KIAA0586: variants seen among roughly 807,000 people sequenced by gnomAD.
KIAA0586 encodes protein TALPID3.
Under a neutral mutation model 169.8 loss-of-function variants are expected in KIAA0586, and 144 were observed. The ratio of observed to expected loss-of-function variants is 0.85; its 90% CI spans 0.74 to 0.97. KIAA0586 has a LOEUF of 0.97. Among genes scored for constraint, KIAA0586 ranks in the 50% least tolerant of loss-of-function variants. The pLI is 0.00. For synonymous variants in KIAA0586, 625 were observed against 612.4 expected (o/e 1.02, Z -0.30); for missense variants, 1,854 against 1,823.0 (o/e 1.02, Z -0.31).
At position 58,549,651 on chromosome 14, in the gene KIAA0586, A is replaced by G. The variant is rs2047155116; in HGVS notation, c.*1719A>G. ...TAACAGTTTCCTTTAAACAAGTGGA[A>G]GAAAAATTCTGCTCTGTGGATTTTA... On this transcript the variant is annotated 3_prime_UTR_variant, in exon 31 of 31. Transcript: ENST00000652326. The G allele has an allele frequency of 6.6e-6, 1 of 152,236 alleles. No individual in the cohort carries two copies. The highest frequency in any genetic ancestry group is 2.4e-5 in the African/African-American group (1 of 41,454). 9.4% of individuals were successfully genotyped at this position (152,236 alleles called of 1,614,324 possible).
intron 30 of KIAA0586, among the ~76,000 whole-genome samples, chr14:58,542,839 C>T (rs888802920): frequency 6.6e-6 from 1 of 152,092 alleles, no homozygotes; most frequent in South Asian, 2.1e-4. Context: ...TGGCTGAATC[C>T]TCATAAAAAC....
In KIAA0586 at chr14:58,548,487, G is replaced by A. The variant is rs1006442259; in HGVS notation, c.*555G>A. 2.6e-5 allele frequency: 4 copies of A among 152,172 alleles called. No individual in the cohort carries two copies. Among genetic ancestry groups the A allele is most frequent in the African/African-American group, 7.2e-5 (3 of 41,438 alleles). The allele number at this position is 152,172 out of a possible 1,614,324, so 9.4% of individuals were successfully genotyped here. On this transcript the variant is annotated 3_prime_UTR_variant, in exon 31 of 31. Transcript: ENST00000652326. Reference sequence around the variant, plus strand: ...TGCAGTTGTTGAAATTATTTAAAATGGGGTGGGGAGGAATTCAAATGTATG... The same window carrying A: ...TGCAGTTGTTGAAATTATTTAAAATAGGGTGGGGAGGAATTCAAATGTATG...
In KIAA0586 at chr14:58,488,756, T is replaced by G. The variant is rs201202020; in HGVS notation, c.3663T>G (p.Ser1221=). 1.1e-3 allele frequency: 1,745 copies of G among 1,613,946 alleles called. No individual in the cohort carries two copies. Among genetic ancestry groups the G allele is most frequent in the Non-Finnish European group, 1.3e-3 (1,552 of 1,179,858 alleles). ...KAPSPSQMPG[S]DSSTLESTLS... is the part of the protein sequence containing the mutation. ...CTTCCCCCTCACAGATGCCAGGTTC[T>G]GATTCATCAACACTGGAGAGCACAT... The change falls in exon 24 of 31, where the codon TCT becomes TCG. Residue 1221 remains serine, a synonymous_variant. Coordinates refer to ENST00000652326, the MANE Select transcript of KIAA0586 (RefSeq NM_001329943.3).
At position 58,428,408 on chromosome 14, in the gene KIAA0586, T is replaced by G. The variant is rs764105402; in HGVS notation, c.144T>G (p.Ser48=). The change falls in exon 1 of 31, where the codon TCT becomes TCG. Residue 48 remains serine (S), a synonymous_variant. Transcript: ENST00000652326. Reference sequence around the variant, plus strand: ...TGCCCTGTGTTCCTCCGGCATTGTCTGCAAATAAACGTCTTCCTGTTGGAA... The same window carrying G: ...TGCCCTGTGTTCCTCCGGCATTGTCGGCAAATAAACGTCTTCCTGTTGGAA... ...DELPCVPPAL[S]ANKRLPVGTG... 1 of 1,614,034 alleles carries G rather than the reference T, an allele frequency of 6.2e-7. No homozygotes were observed. The highest frequency in any genetic ancestry group is 8.5e-7 in the Non-Finnish European group (1 of 1,179,898).
Position 58,487,902 on chromosome 14 carries a change from C to T in KIAA0586, c.3320C>T (p.Ala1107Val). 6.2e-7 allele frequency: 1 copy of T among 1,612,746 alleles called. No individual in the cohort carries two copies. The highest frequency in any genetic ancestry group is 1.1e-5 in the South Asian group (1 of 90,932). Residue 1107 changes from alanine (A) to valine (V), a missense_variant, in exon 23 of 31, where the codon GCC becomes GTC. Coordinates refer to ENST00000652326, the MANE Select transcript of KIAA0586 (RefSeq NM_001329943.3). ...AAACCTTTAGGAGATGATATGCCTG[C>T]CATCATGCTTGTTAATACTCCAACA... is the stretch of plus-strand genomic sequence containing the variant. The part of the protein sequence containing the change: ...ICAEKGDDMP[A>V]IMLVNTPTVT...
rs139531145 is a variant in KIAA0586 at position 58,491,786 on chromosome 14, C to G, written c.3859-358C>G. ...CCCCCATTGCCACACTGTGGCATTACTTTACTGCAGAAATATGAGGAGGAG... is the reference window on the plus strand; with the variant it reads ...CCCCCATTGCCACACTGTGGCATTAGTTTACTGCAGAAATATGAGGAGGAG... On this transcript the variant is annotated intron_variant, in intron 25 of 30. Transcript: ENST00000652326. 1.4e-4 allele frequency among the ~76,000 whole-genome samples: 22 copies of G among 152,358 alleles called. No individual in the cohort carries two copies. The East Asian group carries it at 4.2e-3, about 29-fold the overall frequency.
At chr14:58,501,822 C>T (rs181544257) in intron 27 of KIAA0586, among the ~76,000 whole-genome samples, 1 of 152,114 alleles carries the variant, frequency 6.6e-6, no homozygotes, top group Non-Finnish European at 1.5e-5. Context: ...TACGAAATTA[C>T]CCCACATTTA....
chr14:58,514,002 A>G (rs1210535965), intron 29 of KIAA0586, among the ~76,000 whole-genome samples: 2 of 152,056 alleles, frequency 1.3e-5, no homozygotes, highest in South Asian at 2.1e-4. Flanking sequence ...TACATCTAAT[A>G]CAAAAGGTAG....
At chr14:58,534,318 T>G (rs1411234468) in intron 29 of KIAA0586, among the ~76,000 whole-genome samples, 1 of 152,216 alleles carries the variant, frequency 6.6e-6, no homozygotes, top group Admixed American at 6.5e-5. Flanking sequence ...TGGTATAATA[T>G]AGGTGTATTA....
intron 4 of KIAA0586, 53 bp from the exon 5 acceptor site, chr14:58,442,653 A>C: frequency 7.8e-7 from 1 of 1,279,418 alleles, no homozygotes; most frequent in East Asian, 2.6e-5. Context: ...GTATTTCTTG[A>C]AATGTTTCAA....
chr14:58,462,414 A>AT (rs375522188), intron 14 of KIAA0586, among the ~76,000 whole-genome samples: 7,065 of 149,224 alleles, frequency 0.047, 517 homozygotes, highest in African/African-American at 0.16. Flanking sequence ...TGCCCAGCTA[A>AT]TTTTTTTTTT....
rs1238299885 is a variant in KIAA0586 at position 58,548,694 on chromosome 14, A to C, written c.*762A>C. 4 of 152,322 alleles carry C rather than the reference A, an allele frequency of 2.6e-5. No individual in the cohort carries two copies. Among genetic ancestry groups the C allele is most frequent in the African/African-American group, 7.2e-5 (3 of 41,574 alleles). The allele number at this position is 152,322 out of a possible 1,614,324, so 9.4% of individuals were successfully genotyped here. On this transcript the variant is annotated 3_prime_UTR_variant, in exon 31 of 31. Coordinates refer to ENST00000652326, the MANE Select transcript of KIAA0586 (RefSeq NM_001329943.3). ...TCAGTTGTGATAGAAAAAAATCATC[A>C]GTGAGATTAATTTTTATATGCCTTA...
At chr14:58,432,280 C>G (rs1293088257) in intron 3 of KIAA0586, 108 bp from the exon 4 acceptor site, 1 of 652,010 alleles carries the variant, frequency 1.5e-6, no homozygotes, top group East Asian at 3.0e-5. Flanking sequence ...AATGCTATGG[C>G]TGAGTTCCTA....
intron 29 of KIAA0586, among the ~76,000 whole-genome samples, chr14:58,538,105 A>G (rs1023732136): frequency 1.3e-5 from 2 of 152,254 alleles, no homozygotes; most frequent in Non-Finnish European, 2.9e-5. Context: ...GCAGTGAGCT[A>G]TGATTGTACC....
intron 21 of KIAA0586, among the ~76,000 whole-genome samples, chr14:58,484,898 A>ATATTTATATATATATTTT (rs1555391495): frequency 0.017 from 85 of 4,886 alleles, 1 homozygote; most frequent in Admixed American, 0.034. Flanking sequence ...ATTTATATAT[A>ATATTTATATATATATTTT]TATATATATA....
At position 58,547,895 on chromosome 14, in the gene KIAA0586, A is replaced by G; in HGVS notation, c.4610A>G (p.Gln1537Arg). The G allele has an allele frequency of 6.2e-7, 1 of 1,613,796 alleles. No individual in the cohort carries two copies. Among genetic ancestry groups the G allele is most frequent in the Non-Finnish European group, 8.5e-7 (1 of 1,179,752 alleles). ...CAGTCTCTGAGTCTCAGCACAATGC[A>G]GGAGGACATGGAGTCTTCGGGGGCA... Reference protein sequence around the residue: ...CSQSLSLSTMQEDMESSGADT... With the variant: ...CSQSLSLSTMREDMESSGADT... The change falls in exon 31 of 31, where the codon CAG becomes CGG. Residue 1537 changes from glutamine (Q) to arginine (R), a missense_variant. Gln to Arg is a conservative substitution (Grantham distance 43, BLOSUM62 1). Transcript: ENST00000652326.
rs1490519740 is a variant in KIAA0586 at position 58,427,770 on chromosome 14, T to TAC, written c.-494_-493dup. The TAC allele has an allele frequency of 1.3e-6, 2 of 1,526,272 alleles. No individual in the cohort carries two copies. The highest frequency in any genetic ancestry group is 8.8e-7 in the Non-Finnish European group (1 of 1,142,582). The allele number at this position is 1,526,272 out of a possible 1,614,324, so 94.5% of individuals were successfully genotyped here. ...GTGCGGGTCTCGGGCGTTCTGGAGA[T>TAC]ACGTAGGGGTGAATTTATGTTTCCG... On this transcript the variant is annotated 5_prime_UTR_variant, in exon 1 of 31. Transcript: ENST00000652326.
At chr14:58,530,420 C>T (rs1205353451) in intron 29 of KIAA0586, among the ~76,000 whole-genome samples, 1 of 152,232 alleles carries the variant, frequency 6.6e-6, no homozygotes, top group Admixed American at 6.5e-5. Context: ...CTGGAGGCAT[C>T]ACGCTACCTG....
chr14:58,427,515 C>G, upstream of KIAA0586: 1 of 1,409,536 alleles, frequency 7.1e-7, no homozygotes, highest in East Asian at 2.5e-5. Context: ...CGGTCTTGTG[C>G]GGCAATGTGC....
Sources: allele counts gnomAD v4.1 joint callset (sites outside exome capture counted in the v4.1 genomes callset), GRCh38; gene constraint gnomAD v4.1.1; transcripts MANE v1.5; gene names NCBI Gene and HGNC (gene_info 2026-07-23, HGNC 2026-07-21).